The following CEP192 variants were observed in gnomAD, a reference collection of about 807,000 sequenced individuals.
CEP192 encodes centrosomal protein of 192 kDa.
In CEP192, 151 loss-of-function variants were observed where a neutral mutation model predicts 271.8. That is an observed-to-expected ratio of 0.56 (90% CI 0.49 to 0.64). CEP192 has a LOEUF of 0.64. Among genes scored for constraint, CEP192 ranks in the 30% least tolerant of loss-of-function variants. CEP192 has a pLI of 0.00. For missense variants in CEP192, 2,910 were observed against 3,020.5 expected (o/e 0.96, Z 0.86); for synonymous variants, 995 against 1,076.5 (o/e 0.92, Z 1.48).
At chr18:13,068,545 T>C in intron 24 of CEP192, 123 bp downstream of exon 24, 1 of 921,260 alleles carries the variant, frequency 1.1e-6, no homozygotes. Flanking sequence ...TTTTATGTTT[T>C]TTTGAAATTG....
chr18:13,079,129 T>A (rs931760315), intron 30 of CEP192, among the ~76,000 whole-genome samples: 1 of 152,256 alleles, frequency 6.6e-6, no homozygotes, highest in Non-Finnish European at 1.5e-5. Flanking sequence ...TAGCATGAAT[T>A]ATAATCCTTT....
At chr18:13,110,845 A>G (rs940645663) in intron 40 of CEP192, among the ~76,000 whole-genome samples, 3 of 152,226 alleles carry the variant, frequency 2.0e-5, no homozygotes, top group Non-Finnish European at 4.4e-5. Flanking sequence ...TCTGATTTCC[A>G]AGGGCAGGAG....
chr18:13,001,042 C>T, intron 2 of CEP192, among the ~76,000 whole-genome samples: 1 of 152,178 alleles, frequency 6.6e-6, no homozygotes, highest in East Asian at 1.9e-4. Flanking sequence ...GTTAAATACA[C>T]CTTGTTTTGT....
intron 30 of CEP192, among the ~76,000 whole-genome samples, chr18:13,074,156 T>C (rs569142836): frequency 6.6e-6 from 1 of 152,218 alleles, no homozygotes; most frequent in Admixed American, 6.5e-5. Context: ...TATCCTAGTG[T>C]TAAAGAGGGG....
At chr18:13,084,663 AG>A (rs1187391593) in intron 30 of CEP192, among the ~76,000 whole-genome samples, 1 of 152,144 alleles carries the variant, frequency 6.6e-6, no homozygotes. Context: ...GAGATGAACC[AG>A]GTACCTCAGT....
intron 19 of CEP192, 32 bp downstream of exon 19, chr18:13,056,730 G>A: frequency 6.7e-7 from 1 of 1,498,114 alleles, no homozygotes; most frequent in Non-Finnish European, 9.0e-7. Context: ...ATTATTACTT[G>A]CTATTATTTT....
At chr18:13,024,302 T>C (rs1448819343) in intron 9 of CEP192, 1 of 456,476 alleles carries the variant, frequency 2.2e-6, no homozygotes, top group Non-Finnish European at 4.4e-6. Context: ...GAAAGTAATA[T>C]AGCTATTCCT....
At chr18:13,094,120 C>T (rs1315931211) in intron 34 of CEP192, among the ~76,000 whole-genome samples, 1 of 152,206 alleles carries the variant, frequency 6.6e-6, no homozygotes, top group African/African-American at 2.4e-5. Flanking sequence ...TGCATCTTCT[C>T]AGGCAGTGTA....
At chr18:13,089,586 T>C in intron 33 of CEP192, 21 bp downstream of exon 33, 1 of 1,173,168 alleles carries the variant, frequency 8.5e-7, no homozygotes, top group Non-Finnish European at 1.3e-6. Flanking sequence ...CGGCGTGTCT[T>C]GATGTATTAA....
chr18:13,001,981 G>T (rs2033675244), intron 3 of CEP192, among the ~76,000 whole-genome samples: 2 of 152,294 alleles, frequency 1.3e-5, no homozygotes, highest in South Asian at 4.1e-4. Context: ...CAAAGTGCTG[G>T]GATTAGAATT....
intron 30 of CEP192, among the ~76,000 whole-genome samples, chr18:13,084,424 C>T (rs2038788409): frequency 6.6e-6 from 1 of 152,170 alleles, no homozygotes; most frequent in Admixed American, 6.5e-5. Flanking sequence ...GTGGGACCTG[C>T]CAAGCCAAGC....
In CEP192 at chr18:13,049,574, G is replaced by A. The variant is rs764208690; in HGVS notation, c.2783G>A (p.Arg928Gln). 10 of 1,613,724 alleles carry A rather than the reference G, an allele frequency of 6.2e-6. No individual in the cohort carries two copies. Among genetic ancestry groups the A allele is most frequent in the African/African-American group, 1.3e-5 (1 of 74,824 alleles). Residue 928 changes from arginine (R) to glutamine (Q), a missense_variant, in exon 16 of 45, where the codon CGA becomes CAA. Physicochemically the swap from Arg to Gln is conservative, Grantham distance 43 (BLOSUM62 1). Transcript: ENST00000506447. ...LCLLKDCEEIRDNRENQRQNE... is the reference protein window; with the variant it reads ...LCLLKDCEEIQDNRENQRQNE... ...CTGTTAAAAGACTGTGAAGAAATAC[G>A]AGATAACAGAGAAAATCAGAGGCAA...
In CEP192 at chr18:13,096,051, T is replaced by G. The variant is rs985771024; in HGVS notation, c.6434-133T>G. 1.2e-5 allele frequency: 11 copies of G among 898,278 alleles called. No individual in the cohort carries two copies. The African/African-American group carries it at 1.9e-4, about 15-fold the overall frequency. 55.6% of individuals were successfully genotyped at this position (898,278 alleles called of 1,614,324 possible). On this transcript the variant is annotated intron_variant, in intron 35 of 44. Transcript: ENST00000506447. ...TGTTTACTACCAAGGATTGGAAATTTCTGTAATTGAGCAGTTGAGAAAGCA... is the reference window on the plus strand; with the variant it reads ...TGTTTACTACCAAGGATTGGAAATTGCTGTAATTGAGCAGTTGAGAAAGCA...
At position 13,056,640 on chromosome 18, in the gene CEP192, G is replaced by T; in HGVS notation, c.4050G>T (p.Pro1350=). 6.2e-7 allele frequency: 1 copy of T among 1,613,620 alleles called. No individual in the cohort carries two copies. Among genetic ancestry groups the T allele is most frequent in the South Asian group, 1.1e-5 (1 of 90,980 alleles). ...LLSTTKPFPV[P]SVGTNCGIEP... ...GCACAACAAAACCTTTTCCTGTGCC[G>T]TCTGTTGGTACAAACTGTGGAATTG... The change falls in exon 19 of 45, where the codon CCG becomes CCT. Residue 1350 remains proline (P), a synonymous_variant. Transcript: ENST00000506447.
intron 34 of CEP192, among the ~76,000 whole-genome samples, chr18:13,092,812 A>G (rs1479995279): frequency 6.6e-6 from 1 of 152,122 alleles, no homozygotes; most frequent in Non-Finnish European, 1.5e-5. Context: ...TGGACCACGT[A>G]AGAGTAAGTT....
At chr18:13,064,879 G>T (rs12606033) in intron 21 of CEP192, among the ~76,000 whole-genome samples, 35 of 152,028 alleles carry the variant, frequency 2.3e-4, no homozygotes, top group Admixed American at 1.2e-3. Context: ...TAGTATGGAC[G>T]TTTTAACAAT....
intron 30 of CEP192, among the ~76,000 whole-genome samples, chr18:13,077,885 A>C (rs772132483): frequency 6.6e-6 from 1 of 152,200 alleles, no homozygotes; most frequent in Non-Finnish European, 1.5e-5. Flanking sequence ...ACATTTTGCT[A>C]TATTTCTTCT....
At chr18:13,017,432 T>TTGGACTTTTCTTTGGACTC in intron 7 of CEP192, 96 bp downstream of exon 7, 2 of 967,340 alleles carry the variant, frequency 2.1e-6, no homozygotes, top group East Asian at 5.8e-5. Context: ...CCTTTGGACT[T>TTGGACTTTTCTTTGGACTC]TGGACTTTTC....
At chr18:13,047,617 C>G (rs1029238358) in intron 15 of CEP192, among the ~76,000 whole-genome samples, 20 of 152,284 alleles carry the variant, frequency 1.3e-4, no homozygotes, top group Admixed American at 3.3e-4. Context: ...GTATGCTATT[C>G]AGTTCTAATT....
Sources: gnomAD v4.1 joint callset for allele counts (sites outside exome capture counted in the v4.1 genomes callset) on GRCh38, gnomAD v4.1.1 for gene constraint, MANE v1.5 for transcripts, NCBI Gene and HGNC (gene_info 2026-07-23, HGNC 2026-07-21) for gene names.